OPCML: variants seen among roughly 807,000 people sequenced by gnomAD.
The protein encoded by OPCML is opioid-binding protein/cell adhesion molecule.
Under a neutral mutation model 37.8 loss-of-function variants are expected in OPCML, and 13 were observed. That is an observed-to-expected ratio of 0.34 (90% CI 0.22 to 0.55). The LOEUF (loss-of-function observed/expected upper bound fraction) is 0.55, where lower values mean the gene tolerates loss of function less well. Ranked by LOEUF, OPCML falls within the 20% of genes least tolerant of loss-of-function variation. OPCML has a pLI of 0.91. For synonymous variants in OPCML, 176 were observed against 168.8 expected, an observed-to-expected ratio of 1.04 and a Z score of -0.33; for missense variants, 341 against 435.6, an observed-to-expected ratio of 0.78 and a Z score of 1.93.
At chr11:133,489,129 A>G (rs545594918) in intron 1 of OPCML, among the ~76,000 whole-genome samples, 2 of 152,124 alleles carry the variant, frequency 1.3e-5, no homozygotes, top group Non-Finnish European at 2.9e-5. Context: ...AAATCCTAGA[A>G]GAAAGCCTAA....
intron 2 of OPCML, among the ~76,000 whole-genome samples, chr11:132,777,829 T>C (rs1372529429): frequency 2.0e-5 from 3 of 152,182 alleles, no homozygotes; most frequent in African/African-American, 7.2e-5. Flanking sequence ...GGCTCATGTT[T>C]AAAGGCGCAG....
At chr11:132,953,336 C>T (rs937871345) in intron 1 of OPCML, among the ~76,000 whole-genome samples, 1 of 152,154 alleles carries the variant, frequency 6.6e-6, no homozygotes, top group African/African-American at 2.4e-5. Flanking sequence ...AGATCCAATG[C>T]CATTCCCACT....
chr11:132,885,784 A>T, intron 2 of OPCML, among the ~76,000 whole-genome samples: 1 of 152,198 alleles, frequency 6.6e-6, no homozygotes, highest in East Asian at 1.9e-4. Context: ...AGAAAATCAA[A>T]CAGTAGGGAA....
At chr11:132,693,343 C>G (rs1943478836) in intron 2 of OPCML, among the ~76,000 whole-genome samples, 1 of 152,160 alleles carries the variant, frequency 6.6e-6, no homozygotes, top group Non-Finnish European at 1.5e-5. Context: ...TTGCAGCTAA[C>G]TTTGATGAAT....
At chr11:132,953,814 C>T (rs959561829) in intron 1 of OPCML, among the ~76,000 whole-genome samples, 2 of 152,112 alleles carry the variant, frequency 1.3e-5, no homozygotes, top group African/African-American at 2.4e-5. Context: ...TTCTCTGAGC[C>T]CAGGATTCCT....
intron 1 of OPCML, among the ~76,000 whole-genome samples, chr11:132,952,868 C>G (rs933677947): frequency 1.3e-5 from 2 of 152,046 alleles, no homozygotes; most frequent in Admixed American, 6.5e-5. Flanking sequence ...TTTTTCCATC[C>G]TTAATGCCAG....
intron 4 of OPCML, among the ~76,000 whole-genome samples, chr11:132,526,576 G>C (rs375863041): frequency 3.4e-4 from 52 of 152,048 alleles, no homozygotes; most frequent in African/African-American, 1.2e-3. Context: ...GCAAAAATAC[G>C]TGTTCTCAGT....
At chr11:132,966,709 G>C (rs1339435623) in intron 1 of OPCML, among the ~76,000 whole-genome samples, 1 of 151,794 alleles carries the variant, frequency 6.6e-6, no homozygotes, top group African/African-American at 2.4e-5. Context: ...ATCAATATTT[G>C]CTTGGTATAT....
At chr11:133,137,101 C>A (rs538611476) in intron 1 of OPCML, among the ~76,000 whole-genome samples, 6 of 152,146 alleles carry the variant, frequency 3.9e-5, no homozygotes, top group Admixed American at 6.5e-5. Context: ...TCCTATTTAA[C>A]AACAGGAAGC....
At position 133,382,966 on chromosome 11, in the gene OPCML, C is replaced by T. The variant is rs181705769; in HGVS notation, c.61+149298G>A. ...CAGGGCCCAGGTCACAGAGTAATGG[C>T]ACAGACATGTGGAGGAGGAGTTCTT... On this transcript the variant is annotated intron_variant, in intron 1 of 7. Transcript: ENST00000524381. Among the ~76,000 whole-genome samples the T allele has an allele frequency of 2.7e-3, 415 of 152,308 alleles. 2 individuals are homozygous for T. Among genetic ancestry groups the T allele is most frequent in the Non-Finnish European group, 4.2e-3 (283 of 68,024 alleles).
At chr11:133,445,501 C>A (rs1946456259) in intron 1 of OPCML, among the ~76,000 whole-genome samples, 1 of 152,162 alleles carries the variant, frequency 6.6e-6, no homozygotes, top group Admixed American at 6.5e-5. Context: ...ATCACCCAGG[C>A]AACGTGTTTC....
chr11:132,533,088 A>C (rs1032475945), intron 3 of OPCML, among the ~76,000 whole-genome samples: 1 of 152,188 alleles, frequency 6.6e-6, no homozygotes, highest in East Asian at 1.9e-4. Context: ...CCTTATCTGA[A>C]ATGCCCAAAT....
chr11:132,429,513 G>A (rs1463251805), intron 7 of OPCML, among the ~76,000 whole-genome samples: 2 of 152,196 alleles, frequency 1.3e-5, no homozygotes, highest in Admixed American at 6.5e-5. Context: ...AGATTCTAGA[G>A]AGTGTGCAGG....
At chr11:132,950,285 G>A (rs75256322) in intron 1 of OPCML, among the ~76,000 whole-genome samples, 5,671 of 152,210 alleles carry the variant, frequency 0.037, 344 homozygotes, top group African/African-American at 0.13. Context: ...GGCCAGAAAC[G>A]ATGGCAATGA....
chr11:132,509,540 T>C (rs2096264317), intron 4 of OPCML, among the ~76,000 whole-genome samples: 1 of 152,106 alleles, frequency 6.6e-6, no homozygotes, highest in Admixed American at 6.5e-5. Context: ...CCCAGGGTCC[T>C]CGTATTGTGT....
At chr11:132,759,791 A>G (rs1025980250) in intron 2 of OPCML, among the ~76,000 whole-genome samples, 4 of 151,536 alleles carry the variant, frequency 2.6e-5, no homozygotes, top group African/African-American at 4.9e-5. Context: ...TCGTGTCTCT[A>G]TTTTCTTCAG....
Position 133,313,962 on chromosome 11 carries a change from G to A in OPCML, c.61+218302C>T, listed in dbSNP as rs185859135. Among the ~76,000 whole-genome samples, 951 of 152,224 alleles carry A rather than the reference G, an allele frequency of 6.2e-3. 2 individuals are homozygous for A. The highest frequency in any genetic ancestry group is 0.014 in the Middle Eastern group (4 of 292). On this transcript the variant is annotated intron_variant, in intron 1 of 7. Coordinates refer to ENST00000524381, the MANE Select transcript of OPCML (RefSeq NM_001012393.5). Reference sequence around the variant, plus strand: ...ATAAGAATACGATTTCAGGCTGGGCGCAGTGGCTCACGCCTGTAATCCCAG... The same window carrying A: ...ATAAGAATACGATTTCAGGCTGGGCACAGTGGCTCACGCCTGTAATCCCAG...
Position 133,205,829 on chromosome 11 carries a change from C to T in OPCML, c.62-262819G>A, listed in dbSNP as rs2136329142. Reference sequence around the variant, plus strand: ...AAGAGTAAAGCGCGGTGTGAATGAGCAAGAGTTTTGGATTCCAACAAGCCA... The same window carrying T: ...AAGAGTAAAGCGCGGTGTGAATGAGTAAGAGTTTTGGATTCCAACAAGCCA... On this transcript the variant is annotated intron_variant, in intron 1 of 7. Transcript: ENST00000524381. The surrounding 1 kb of genome is among the most constrained non-coding windows in gnomAD (Gnocchi z 4.8). 6.6e-6 allele frequency among the ~76,000 whole-genome samples: 1 copy of T among 152,216 alleles called. No homozygotes were observed. Among genetic ancestry groups the T allele is most frequent in the East Asian group, 1.9e-4 (1 of 5,168 alleles).
intron 1 of OPCML, among the ~76,000 whole-genome samples, chr11:133,037,506 G>A (rs1347221294): frequency 6.6e-6 from 1 of 152,176 alleles, no homozygotes; most frequent in Non-Finnish European, 1.5e-5. Context: ...CCTAGCTGCA[G>A]TATATTTTAC....
Sources: allele counts gnomAD v4.1 joint callset (sites outside exome capture counted in the v4.1 genomes callset), GRCh38; gene constraint gnomAD v4.1.1; non-coding constraint Gnocchi (gnomAD v3.1); transcripts MANE v1.5; gene names NCBI Gene and HGNC (gene_info 2026-07-23, HGNC 2026-07-21).